Variants in CTNNA3 observed in about 807,000 individuals in gnomAD.
CTNNA3 encodes catenin alpha 3.
CTNNA3 carries 76 observed loss-of-function variants against 95.7 expected under a neutral mutation model. The observed-to-expected ratio is 0.79, with a 90% CI of 0.66 to 0.96. CTNNA3 has a LOEUF of 0.96. CTNNA3 is among the 40% of genes least tolerant of loss of function. CTNNA3 has a pLI of 0.00. For missense variants in CTNNA3, 1,191 were observed against 1,089.8 expected, an observed-to-expected ratio of 1.09 and a Z score of -1.31; for synonymous variants, 431 against 374.4, an observed-to-expected ratio of 1.15 and a Z score of -1.74.
chr10:66,441,198 TA>T (rs2093373191), intron 11 of CTNNA3, among the ~76,000 whole-genome samples: 1 of 147,862 alleles, frequency 6.8e-6, no homozygotes, highest in African/African-American at 2.5e-5. Context: ...AAAATAATTT[TA>T]AAAAATCAAC....
chr10:67,588,671 C>T (rs1274220178), intron 3 of CTNNA3, among the ~76,000 whole-genome samples: 1 of 151,934 alleles, frequency 6.6e-6, no homozygotes, highest in Middle Eastern at 3.2e-3. Flanking sequence ...GAGTAGTATA[C>T]AAAAAGTTGA....
rs374837101 is a variant in CTNNA3, at chr10:66,342,183, C to T, written c.1732+36969G>A. ...TTGCAATAGTCCAAATAGTCTAAACCGTACTTAGCATTTAGTGTTCAACCA... is the reference window on the plus strand; with the variant it reads ...TTGCAATAGTCCAAATAGTCTAAACTGTACTTAGCATTTAGTGTTCAACCA... On this transcript the variant is annotated intron_variant, in intron 12 of 17. Transcript: ENST00000433211. Among the ~76,000 whole-genome samples the T allele has an allele frequency of 4.7e-4, 72 of 151,904 alleles. 1 individual carries two copies. In the South Asian group the frequency reaches 0.014, roughly 30 times the overall value.
intron 13 of CTNNA3, among the ~76,000 whole-genome samples, chr10:66,108,538 TTAGTG>T (rs2081995711): frequency 6.6e-6 from 1 of 152,192 alleles, no homozygotes; most frequent in African/African-American, 2.4e-5. Flanking sequence ...ATTTCTTATA[TTAGTG>T]TATATATTTT....
chr10:66,595,965 A>T (rs977023438), intron 10 of CTNNA3, among the ~76,000 whole-genome samples: 2 of 151,800 alleles, frequency 1.3e-5, no homozygotes, highest in African/African-American at 4.8e-5. Context: ...CTCCTTGTTG[A>T]CTTTTGACTC....
intron 5 of CTNNA3, among the ~76,000 whole-genome samples, chr10:67,439,034 T>C (rs1216382634): frequency 6.6e-6 from 1 of 152,126 alleles, no homozygotes; most frequent in Admixed American, 6.5e-5. Context: ...GCCAGTGGAC[T>C]AGGGTGGCAC....
chr10:67,431,886 C>T (rs1846122021), intron 5 of CTNNA3, among the ~76,000 whole-genome samples: 2 of 151,930 alleles, frequency 1.3e-5, no homozygotes, highest in South Asian at 2.1e-4. Flanking sequence ...GAATATCATT[C>T]CCCAAAACAT....
intron 10 of CTNNA3, among the ~76,000 whole-genome samples, chr10:66,610,392 C>T (rs372619653): frequency 6.6e-6 from 1 of 152,048 alleles, no homozygotes; most frequent in African/African-American, 2.4e-5. Context: ...GGTCTCTTTC[C>T]TTGTTGTATG....
intron 5 of CTNNA3, among the ~76,000 whole-genome samples, chr10:67,452,148 G>A (rs1194585404): frequency 6.6e-6 from 1 of 151,858 alleles, no homozygotes; most frequent in Non-Finnish European, 1.5e-5. Context: ...ACACTTTAAA[G>A]CATCCAAAGC....
In CTNNA3 at chr10:65,920,201, C is replaced by A. The variant is rs975726707; in HGVS notation, c.*129G>T. 1 of 779,528 alleles carries A rather than the reference C, an allele frequency of 1.3e-6. No individual in the cohort carries two copies. The highest frequency in any genetic ancestry group is 1.8e-5 in the South Asian group (1 of 56,542). 48.3% of individuals were successfully genotyped at this position (779,528 alleles called of 1,614,324 possible). On this transcript the variant is annotated 3_prime_UTR_variant, in exon 18 of 18. Coordinates refer to ENST00000433211, the MANE Select transcript of CTNNA3 (RefSeq NM_013266.4). The stretch of plus-strand genomic sequence containing the variant: ...ATATTGCTTTTGTTGATTTAGCGCC[C>A]AATATTTTATGTTATTTGTGAGTTA...
intron 10 of CTNNA3, among the ~76,000 whole-genome samples, chr10:66,557,064 T>C (rs1021227729): frequency 6.6e-5 from 10 of 152,062 alleles, no homozygotes; most frequent in African/African-American, 2.2e-4. Context: ...TTCATAGTCA[T>C]ATCTTTGTGG....
chr10:67,289,383 T>C (rs1484853687), intron 5 of CTNNA3, among the ~76,000 whole-genome samples: 1 of 152,090 alleles, frequency 6.6e-6, no homozygotes, highest in Non-Finnish European at 1.5e-5. Context: ...TCTTAGTAAA[T>C]CCTCAAAAAA....
chr10:65,937,988 A>AAGTG lies in CTNNA3; in HGVS notation c.2401-17372_2401-17371insCACT, dbSNP rs566857366. 2.7e-3 allele frequency among the ~76,000 whole-genome samples: 414 copies of AAGTG among 151,626 alleles called. 2 individuals are homozygous for AAGTG. Among genetic ancestry groups the AAGTG allele is most frequent in the African/African-American group, 9.7e-3 (403 of 41,496 alleles). ...CCAAAAAAACTCAAAAAACAAACAA[A>AAGTG]AACCATGTATTAGTTATTCTGATGT... On this transcript the variant is annotated intron_variant, in intron 17 of 17. Transcript: ENST00000433211.
chr10:67,488,898 G>A (rs1030913430), intron 5 of CTNNA3, among the ~76,000 whole-genome samples: 5 of 151,904 alleles, frequency 3.3e-5, no homozygotes, highest in African/African-American at 1.2e-4. Context: ...ATCGCATCTG[G>A]CTAATTCTTG....
chr10:66,738,167 G>A (rs1220574633), intron 9 of CTNNA3, among the ~76,000 whole-genome samples: 2 of 151,954 alleles, frequency 1.3e-5, no homozygotes, highest in Non-Finnish European at 2.9e-5. Context: ...TATTCTTTTT[G>A]GTCAGTTTGT....
chr10:66,621,601 A>C (rs1844750669), intron 10 of CTNNA3, 91 bp downstream of exon 10: 3 of 767,160 alleles, frequency 3.9e-6, no homozygotes, highest in Non-Finnish European at 6.1e-6. Flanking sequence ...CAAAAAAAAA[A>C]AAAGAAAAAA....
intron 7 of CTNNA3, among the ~76,000 whole-genome samples, chr10:66,798,165 G>T (rs576717670): frequency 1.3e-5 from 2 of 151,864 alleles, no homozygotes; most frequent in Non-Finnish European, 2.9e-5. Context: ...AAGATCAAAA[G>T]CTTAGAAGTG....
chr10:66,754,150 T>C (rs941840820), intron 9 of CTNNA3, among the ~76,000 whole-genome samples: 2 of 152,176 alleles, frequency 1.3e-5, no homozygotes, highest in African/African-American at 4.8e-5. Flanking sequence ...GATAAAGTAA[T>C]CAAGATAGAG....
At chr10:66,753,375 A>T (rs1342152960) in intron 9 of CTNNA3, among the ~76,000 whole-genome samples, 1 of 152,088 alleles carries the variant, frequency 6.6e-6, no homozygotes, top group Non-Finnish European at 1.5e-5. Flanking sequence ...TAATATACAA[A>T]TAACAGGCCA....
At chr10:67,415,178 A>T (rs1036563072) in intron 5 of CTNNA3, among the ~76,000 whole-genome samples, 2 of 152,230 alleles carry the variant, frequency 1.3e-5, no homozygotes, top group Non-Finnish European at 2.9e-5. Flanking sequence ...AAGAGAAAGA[A>T]ATAAAAGGAA....
Sources: allele counts gnomAD v4.1 joint callset (sites outside exome capture counted in the v4.1 genomes callset), GRCh38; gene constraint gnomAD v4.1.1; transcripts MANE v1.5; gene names NCBI Gene and HGNC (gene_info 2026-07-23, HGNC 2026-07-21).